Variants in ABTB3 observed in about 807,000 individuals in gnomAD.
ABTB3 encodes the protein ankyrin repeat and BTB domain containing 3.
At chr12:107,442,209 A>G in the ABTB3 span, among the ~76,000 whole-genome samples, 1 of 152,218 alleles carries the variant, frequency 6.6e-6, no homozygotes, top group African/African-American at 2.4e-5. Flanking sequence ...AGCTAAATGT[A>G]TAGATGAGTG....
chr12:107,424,950 C>T, the ABTB3 span, among the ~76,000 whole-genome samples: 8 of 152,220 alleles, frequency 5.3e-5, no homozygotes, highest in Non-Finnish European at 1.5e-5. Context: ...TGCCTTGGCC[C>T]TGTCCCTCCT....
chr12:107,614,494 G>A, the ABTB3 span, among the ~76,000 whole-genome samples: 20,521 of 151,998 alleles, frequency 0.14, 1,551 homozygotes, highest in East Asian at 0.29. Context: ...CCTGGGGTTT[G>A]CCACCACTGA....
the ABTB3 span, among the ~76,000 whole-genome samples, chr12:107,388,654 G>A: frequency 1.3e-5 from 2 of 151,942 alleles, no homozygotes; most frequent in Non-Finnish European, 2.9e-5. Flanking sequence ...CCATCCTGGA[G>A]CCCTTGAAGG....
the ABTB3 span, among the ~76,000 whole-genome samples, chr12:107,489,487 T>A: frequency 6.6e-6 from 1 of 152,232 alleles, no homozygotes; most frequent in East Asian, 1.9e-4. Context: ...ACCATTGCTC[T>A]CCAGCCTGGG....
chr12:107,550,583 C>CT, the ABTB3 span, among the ~76,000 whole-genome samples: 2,750 of 135,186 alleles, frequency 0.02, 77 homozygotes, highest in African/African-American at 0.064. Flanking sequence ...TTCTTTCTTT[C>CT]TTTTTTTTTT....
At chr12:107,513,999 G>A in the ABTB3 span, among the ~76,000 whole-genome samples, 1 of 152,214 alleles carries the variant, frequency 6.6e-6, no homozygotes, top group Admixed American at 6.5e-5. Flanking sequence ...GCACATCTGT[G>A]GGAACAGGGT....
chr12:107,658,624 G>A, the ABTB3 span: 46 of 152,584 alleles, frequency 3.0e-4, no homozygotes, highest in Non-Finnish European at 2.4e-4. Flanking sequence ...AGGTAAAAAT[G>A]TTCCATCATT....
the ABTB3 span, among the ~76,000 whole-genome samples, chr12:107,570,113 C>G: frequency 1.4e-4 from 22 of 152,208 alleles, no homozygotes; most frequent in Non-Finnish European, 2.9e-4. Flanking sequence ...ATGAGCCCAA[C>G]TAAAGATTCT....
the ABTB3 span, among the ~76,000 whole-genome samples, chr12:107,610,820 T>C: frequency 6.6e-6 from 1 of 152,094 alleles, no homozygotes; most frequent in East Asian, 1.9e-4. Context: ...GACTCAGAGA[T>C]AGGCAGCTAT....
chr12:107,318,748 G>T, the ABTB3 span: 9 of 634,902 alleles, frequency 1.4e-5, no homozygotes, highest in Admixed American at 2.1e-4. Context: ...TGACTCCAGG[G>T]TCTGCTCTGT....
chr12:107,334,167 C>A, the ABTB3 span, among the ~76,000 whole-genome samples: 1 of 152,164 alleles, frequency 6.6e-6, no homozygotes, highest in Non-Finnish European at 1.5e-5. Context: ...TCTTAGTGAA[C>A]TGGGAAGCCA....
chr12:107,538,836 C>A, the ABTB3 span, among the ~76,000 whole-genome samples: 1 of 152,288 alleles, frequency 6.6e-6, no homozygotes, highest in Non-Finnish European at 1.5e-5. Flanking sequence ...CAAAGTGGGC[C>A]CCACTCTGGA....
chr12:107,657,832 C>CAGTAGAGGCAGCTCCT, the ABTB3 span: 3 of 983,682 alleles, frequency 3.0e-6, no homozygotes, highest in Non-Finnish European at 4.7e-6. Context: ...GGCCAAGGAG[C>CAGTAGAGGCAGCTCCT]TGCCTCTACT....
At chr12:107,318,960 A>G in the ABTB3 span, 4 of 1,611,974 alleles carry the variant, frequency 2.5e-6, no homozygotes, top group South Asian at 1.1e-5. Flanking sequence ...AGAGGTAAGA[A>G]GCCCGTGGTG....
At chr12:107,589,160 G>T in the ABTB3 span, among the ~76,000 whole-genome samples, 1 of 152,246 alleles carries the variant, frequency 6.6e-6, no homozygotes, top group Non-Finnish European at 1.5e-5. Flanking sequence ...AACAATACTT[G>T]TGTCATAGTA....
At chr12:107,564,088 CTCTGTGTGTGTGTGTGTGTGTG>C in the ABTB3 span, among the ~76,000 whole-genome samples, 5 of 137,950 alleles carry the variant, frequency 3.6e-5, no homozygotes, top group Non-Finnish European at 6.3e-5. Flanking sequence ...CTATCTATCT[CTCTGTGTGTGTGTGTGTGTGTG>C]TGTGTGTGTG....
At chr12:107,655,256 A>AATATATATATATATATATAT in the ABTB3 span, among the ~76,000 whole-genome samples, 21 of 148,852 alleles carry the variant, frequency 1.4e-4, no homozygotes, top group Middle Eastern at 3.5e-3. Context: ...GCCTCTTTCA[A>AATATATATATATATATATAT]ATATATATAT....
chr12:107,398,041 CA>C, the ABTB3 span, among the ~76,000 whole-genome samples: 1 of 152,156 alleles, frequency 6.6e-6, no homozygotes, highest in African/African-American at 2.4e-5. Context: ...GAACACACAG[CA>C]GGGGGATTTA....
At chr12:107,482,990 TTCCTTCCTTCC>T in the ABTB3 span, among the ~76,000 whole-genome samples, 178 of 15,830 alleles carry the variant, frequency 0.011, 2 homozygotes, top group African/African-American at 0.024. Context: ...CTTTCTTTCC[TTCCTTCCTTCC>T]TTCCTTCTTT....
Sources: gnomAD v4.1 joint callset for allele counts (sites outside exome capture counted in the v4.1 genomes callset) on GRCh38, gnomAD v4.1.1 for gene constraint, MANE v1.5 for transcripts, NCBI Gene and HGNC (gene_info 2026-07-23, HGNC 2026-07-21) for gene names.